The following DDX31 variants were observed in gnomAD, a reference collection of about 807,000 sequenced individuals.
DDX31 encodes DEAD-box helicase 31, also known as ATP-dependent DNA helicase DDX31.
Under a neutral mutation model 91.3 loss-of-function variants are expected in DDX31, and 70 were observed. The ratio of observed to expected loss-of-function variants is 0.77; its 90% confidence interval spans 0.63 to 0.94. The LOEUF is 0.94. Among genes scored for constraint, DDX31 ranks in the 40% least tolerant of loss-of-function variants. DDX31 has a pLI of 0.00. For missense variants in DDX31, 902 were observed against 925.0 expected (o/e 0.98, Z 0.32); for synonymous variants, 362 against 350.6 (o/e 1.03, Z -0.36).
chr9:132,595,135 AG>A lies in DDX31; in HGVS notation c.1995-24del, dbSNP rs1354103234. The A allele has an allele frequency of 3.1e-6, 5 of 1,592,196 alleles. No homozygotes were observed. The African/African-American group carries it at 5.4e-5, about 17-fold the overall frequency. The stretch of plus-strand genomic sequence containing the variant: ...GGCCTGAAGAACAGTAACAGCAGAG[AG>A]GGAAAAGAAACTTTATTATTTTTCT... On this transcript the variant is annotated intron_variant, in intron 19 of 19. Coordinates refer to ENST00000372159, the MANE Select transcript of DDX31 (RefSeq NM_022779.9). This position sits in a 1 kb window ranked among gnomAD's most constrained non-coding sequence, Gnocchi z 4.6.
rs532440315 is a variant in DDX31, at chr9:132,604,189, G to A, written c.1994+7898C>T. ...CCCATTTGGAGTTGCCTGTGAACAT[G>A]AGGTGCATGAACTCTATAACAGATG... is the stretch of plus-strand genomic sequence containing the variant. On this transcript the variant is annotated intron_variant, in intron 19 of 19. Coordinates refer to ENST00000372159, the MANE Select transcript of DDX31 (RefSeq NM_022779.9). Among the ~76,000 whole-genome samples, 79 of 152,300 alleles carry A rather than the reference G, an allele frequency of 5.2e-4. No homozygotes were observed. In the South Asian group the frequency reaches 0.016, roughly 30 times the overall value.
At chr9:132,669,549 C>A (rs1835578272) in intron 1 of DDX31, 2 of 1,432,056 alleles carry the variant, frequency 1.4e-6, no homozygotes, top group Non-Finnish European at 1.9e-6. Flanking sequence ...CTGGGACTTG[C>A]GCCGGAACTT....
At chr9:132,615,219 C>T (rs2119333516) in intron 18 of DDX31, among the ~76,000 whole-genome samples, 1 of 152,318 alleles carries the variant, frequency 6.6e-6, no homozygotes, top group East Asian at 1.9e-4. Flanking sequence ...CACATGGACA[C>T]ATCGTCCTTT....
chr9:132,669,877 G>T lies in DDX31; in HGVS notation c.58C>A (p.Pro20Thr). Reference sequence around the variant, plus strand: ...GAACTCACCCGACTCGCCTGGGCTGGGGGACGTCTGGAGAACGTCCTGGGG... The same window carrying T: ...GAACTCACCCGACTCGCCTGGGCTGTGGGACGTCTGGAGAACGTCCTGGGG... ...DNPRTFSRRP[P>T]AQASRQAKAT... Residue 20 changes from proline (P) to threonine (T), a missense_variant, in exon 1 of 20, where the codon CCA (proline) becomes ACA (threonine). By Grantham distance (38) the Pro-to-Thr change is conservative. Transcript: ENST00000372159. 14 of 1,592,754 alleles carry T rather than the reference G, an allele frequency of 8.8e-6. No homozygotes were observed. The highest frequency in any genetic ancestry group is 1.1e-5 in the Non-Finnish European group (13 of 1,170,824).
chr9:132,640,387 T>A (rs1246915287), intron 14 of DDX31, among the ~76,000 whole-genome samples: 2 of 152,072 alleles, frequency 1.3e-5, no homozygotes, highest in Non-Finnish European at 2.9e-5. Context: ...GAGGGGGCTG[T>A]TTTGCTGAAG....
intron 16 of DDX31, 57 bp from the exon 17 acceptor site, chr9:132,625,802 C>A (rs1329391405): frequency 7.4e-7 from 1 of 1,352,690 alleles, no homozygotes; most frequent in African/African-American, 1.4e-5. Context: ...ACACCCAAGA[C>A]CTTGATGCAC....
At chr9:132,648,355 G>C in intron 10 of DDX31, 60 bp from the exon 11 acceptor site, 1 of 1,605,608 alleles carries the variant, frequency 6.2e-7, no homozygotes, top group African/African-American at 1.3e-5. Context: ...GTGGTCTAAG[G>C]GGCTACAGAA....
intron 19 of DDX31, among the ~76,000 whole-genome samples, chr9:132,609,074 G>A (rs1321294931): frequency 6.6e-6 from 1 of 152,170 alleles, no homozygotes; most frequent in African/African-American, 2.4e-5. Flanking sequence ...AGGATCTAAG[G>A]AGTGTGAAGA....
chr9:132,637,119 C>G (rs944371385), intron 14 of DDX31, among the ~76,000 whole-genome samples: 10 of 152,090 alleles, frequency 6.6e-5, no homozygotes, highest in Non-Finnish European at 1.5e-5. Context: ...CTGTACTCTC[C>G]TCTTCCATCA....
At chr9:132,635,318 C>T (rs972609027) in intron 14 of DDX31, among the ~76,000 whole-genome samples, 2 of 152,126 alleles carry the variant, frequency 1.3e-5, no homozygotes, top group Non-Finnish European at 2.9e-5. Context: ...ACTGATGGCC[C>T]TTGTCTGTAC....
intron 7 of DDX31, 127 bp from the exon 8 acceptor site, chr9:132,651,243 A>G: frequency 1.3e-6 from 1 of 759,556 alleles, no homozygotes; most frequent in East Asian, 2.7e-5. Flanking sequence ...AAAAAATCCT[A>G]TACACAGAAT....
chr9:132,636,180 C>T (rs1833101693), intron 14 of DDX31, among the ~76,000 whole-genome samples: 1 of 152,170 alleles, frequency 6.6e-6, no homozygotes, highest in African/African-American at 2.4e-5. Context: ...AGTGTGTCAA[C>T]CACCCACAAA....
At chr9:132,647,695 C>A (rs1216740868) in intron 11 of DDX31, among the ~76,000 whole-genome samples, 1 of 152,152 alleles carries the variant, frequency 6.6e-6, no homozygotes, top group South Asian at 2.1e-4. Flanking sequence ...ACAACTTTTC[C>A]AAGCCTTCGT....
In DDX31 at chr9:132,594,018, C is replaced by T. The variant is rs931150034; in HGVS notation, c.*848G>A. On this transcript the variant is annotated 3_prime_UTR_variant, in exon 20 of 20. Coordinates refer to ENST00000372159, the MANE Select transcript of DDX31 (RefSeq NM_022779.9). ...CCTCCCAGAAAACACAATGCAGGGG[C>T]AGGGCGGGGTGGGTCGGGGGCGGGG... is the stretch of plus-strand genomic sequence containing the variant. The T allele has an allele frequency of 2.0e-3, 40 of 19,694 alleles. No individual in the cohort carries two copies. Among genetic ancestry groups the T allele is most frequent in the Non-Finnish European group, 3.0e-3 (32 of 10,796 alleles). The allele number at this position is 19,694 out of a possible 1,614,324, so 1.2% of individuals were successfully genotyped here. A position where few individuals can be genotyped will look rare whatever the true frequency, so the allele number is the denominator to read the frequency against.
chr9:132,640,238 T>G (rs933786026), intron 14 of DDX31, among the ~76,000 whole-genome samples: 16 of 152,172 alleles, frequency 1.1e-4, no homozygotes, highest in Non-Finnish European at 2.4e-4. Context: ...CTGAGTTTCA[T>G]TTCTCTGAAG....
chr9:132,616,272 G>A (rs114158948), intron 18 of DDX31, among the ~76,000 whole-genome samples: 1,848 of 152,216 alleles, frequency 0.012, 35 homozygotes, highest in African/African-American at 0.042. Flanking sequence ...GACATGATAC[G>A]TTTATTTCCT....
At chr9:132,663,626 G>T (rs1189457615) in intron 1 of DDX31, 2 of 642,564 alleles carry the variant, frequency 3.1e-6, no homozygotes, top group Non-Finnish European at 3.9e-6. Flanking sequence ...GGAGTTTTGG[G>T]TTCTCTCAGA....
chr9:132,619,597 G>A (rs1157282020), intron 17 of DDX31, among the ~76,000 whole-genome samples: 3 of 152,138 alleles, frequency 2.0e-5, no homozygotes, highest in Non-Finnish European at 2.9e-5. Context: ...ACTTAACAAC[G>A]TGAAAATGTT....
intron 14 of DDX31, among the ~76,000 whole-genome samples, chr9:132,636,039 T>TC (rs1833093585): frequency 6.6e-6 from 1 of 152,040 alleles, no homozygotes. Context: ...CCACCATCAC[T>TC]CCCCCAGAAG....
Sources: allele counts gnomAD v4.1 joint callset (sites outside exome capture counted in the v4.1 genomes callset), GRCh38; gene constraint gnomAD v4.1.1; non-coding constraint Gnocchi (gnomAD v3.1); transcripts MANE v1.5; gene names NCBI Gene and HGNC (gene_info 2026-07-23, HGNC 2026-07-21).